USP34: variants seen among roughly 807,000 people sequenced by gnomAD.
The protein encoded by USP34 is ubiquitin specific peptidase 34, also known as ubiquitin carboxyl-terminal hydrolase 34.
Under a neutral mutation model 460.3 loss-of-function variants are expected in USP34, and 70 were observed. The observed-to-expected ratio is 0.15, with a 90% CI of 0.13 to 0.19. USP34 has a LOEUF of 0.19. Among genes scored for constraint, USP34 ranks in the 10% least tolerant of loss-of-function variants. USP34 has a pLI of 1.00. For synonymous variants in USP34, 1,647 were observed against 1,405.3 expected (o/e 1.17, Z -3.85); for missense variants, 3,985 against 4,236.2 (o/e 0.94, Z 1.65).
In USP34 at chr2:61,466,616, A is replaced by C. The variant is rs1221792042; in HGVS notation, c.43+4034T>G. ...ATTATTTATCAACTAAAAATTTTTT[A>C]AACAAAATTTTTAGGCCAGGCATGC... is the stretch of plus-strand genomic sequence containing the variant. On this transcript the variant is annotated intron_variant, in intron 1 of 79. Transcript: ENST00000398571. 2.6e-5 allele frequency among the ~76,000 whole-genome samples: 4 copies of C among 152,096 alleles called. No individual in the cohort carries two copies. In the East Asian group the frequency reaches 7.7e-4, roughly 29 times the overall value.
intron 16 of USP34, among the ~76,000 whole-genome samples, chr2:61,340,906 C>T (rs1484164377): frequency 7.2e-6 from 1 of 139,156 alleles, no homozygotes; most frequent in Non-Finnish European, 1.5e-5. Flanking sequence ...TGGTATTTCG[C>T]TTTCATAATT....
chr2:61,399,809 G>A (rs1693655374), intron 3 of USP34, among the ~76,000 whole-genome samples: 1 of 138,596 alleles, frequency 7.2e-6, no homozygotes, highest in Non-Finnish European at 1.5e-5. Context: ...AGAGGCAGAG[G>A]TTGCAGTGAG....
At chr2:61,331,394 T>TA in intron 19 of USP34, 23 bp from the exon 20 acceptor site, 1 of 1,596,870 alleles carries the variant, frequency 6.3e-7, no homozygotes, top group Non-Finnish European at 8.5e-7. Context: ...AAAGAAAAAA[T>TA]AATTTTAAAG....
At chr2:61,368,935 A>C (rs570026489) in intron 10 of USP34, among the ~76,000 whole-genome samples, 137 of 152,304 alleles carry the variant, frequency 9.0e-4, no homozygotes, top group Non-Finnish European at 1.5e-3. Flanking sequence ...TTGTAATCAC[A>C]AACAAAAGAT....
intron 43 of USP34, among the ~76,000 whole-genome samples, chr2:61,264,340 G>T (rs1445796074): frequency 6.6e-6 from 1 of 152,112 alleles, no homozygotes. Flanking sequence ...CAAGACAAAA[G>T]ATAACATGAT....
chr2:61,208,647 T>C, intron 70 of USP34: 1 of 235,878 alleles, frequency 4.2e-6, no homozygotes, highest in East Asian at 7.9e-5. Flanking sequence ...ATAAAACTAG[T>C]CTATTTCAAA....
intron 1 of USP34, among the ~76,000 whole-genome samples, chr2:61,428,197 C>T (rs987648168): frequency 2.4e-5 from 3 of 124,028 alleles, no homozygotes; most frequent in Non-Finnish European, 5.1e-5. Flanking sequence ...AAATCTTAAA[C>T]AAAGGCAAAA....
At chr2:61,267,491 G>A (rs1245622554) in intron 41 of USP34, among the ~76,000 whole-genome samples, 1 of 150,790 alleles carries the variant, frequency 6.6e-6, no homozygotes, top group African/African-American at 2.4e-5. Context: ...CACCTGGGAT[G>A]GAATGCAGTG....
Position 61,348,276 on chromosome 2 carries a change from C to A in USP34, c.1879G>T (p.Asp627Tyr). The change falls in exon 15 of 80, where the codon GAT (aspartate) becomes TAT (tyrosine). Residue 627 changes from aspartate to tyrosine, a missense_variant. Asp to Tyr is a radical substitution (Grantham distance 160). This residue lies in a region of USP34 where 716 missense variants were observed against 626.2 expected (regional missense o/e 1.14). Coordinates refer to ENST00000398571, the MANE Select transcript of USP34 (RefSeq NM_014709.4). Reference sequence around the variant, plus strand: ...TTGGGAGGATTATGACCATGATCATCGTCTTCATCTTCCTCTTTGAGGGCT... The same window carrying A: ...TTGGGAGGATTATGACCATGATCATAGTCTTCATCTTCCTCTTTGAGGGCT... Reference protein sequence around the residue: ...IEALKEEDEDDDHGHNPPKSS... With the variant: ...IEALKEEDEDYDHGHNPPKSS... 4 of 1,614,128 alleles carry A rather than the reference C, an allele frequency of 2.5e-6. No individual in the cohort carries two copies. Among genetic ancestry groups the A allele is most frequent in the Non-Finnish European group, 3.4e-6 (4 of 1,179,986 alleles).
At chr2:61,220,207 G>T in intron 67 of USP34, 103 bp downstream of exon 67, 5 of 458,398 alleles carry the variant, frequency 1.1e-5, no homozygotes, top group Non-Finnish European at 1.3e-5. Context: ...CAAGAATTTC[G>T]TAGTATACAA....
chr2:61,441,859 A>C (rs1694975982), intron 1 of USP34, among the ~76,000 whole-genome samples: 1 of 151,910 alleles, frequency 6.6e-6, no homozygotes, highest in Non-Finnish European at 1.5e-5. Context: ...AGAAAAAAGA[A>C]AAGACCTAAA....
chr2:61,257,405 G>C, intron 44 of USP34, 55 bp from the exon 45 acceptor site: 2 of 1,449,784 alleles, frequency 1.4e-6, no homozygotes, highest in Non-Finnish European at 9.2e-7. Context: ...GAAAATTATA[G>C]GTTCTTCAAT....
At chr2:61,376,575 C>T (rs146847973) in intron 8 of USP34, among the ~76,000 whole-genome samples, 3 of 152,144 alleles carry the variant, frequency 2.0e-5, no homozygotes, top group Non-Finnish European at 4.4e-5. Context: ...TCTCTTTAAG[C>T]GGTCTCGCGG....
intron 3 of USP34, 55 bp from the exon 4 acceptor site, chr2:61,395,288 A>G: frequency 9.4e-7 from 1 of 1,058,940 alleles, no homozygotes; most frequent in South Asian, 1.4e-5. Context: ...AACCTTTAAA[A>G]AATACAATTC....
At chr2:61,389,819 T>G (rs1224666985) in intron 5 of USP34, among the ~76,000 whole-genome samples, 3 of 151,780 alleles carry the variant, frequency 2.0e-5, no homozygotes, top group African/African-American at 7.3e-5. Flanking sequence ...GCAGCCCTCC[T>G]AACCTTTTAA....
chr2:61,368,539 T>C (rs1406450315), intron 10 of USP34, among the ~76,000 whole-genome samples: 1 of 151,934 alleles, frequency 6.6e-6, no homozygotes, highest in Non-Finnish European at 1.5e-5. Context: ...ATCATAATTA[T>C]ACACACAAAT....
chr2:61,380,988 T>C (rs185868731), intron 6 of USP34, among the ~76,000 whole-genome samples: 1 of 151,924 alleles, frequency 6.6e-6, no homozygotes, highest in Non-Finnish European at 1.5e-5. Flanking sequence ...TCAATACAGA[T>C]CAACAAAACT....
chr2:61,350,199 T>C, intron 12 of USP34, 61 bp downstream of exon 12: 6 of 1,507,840 alleles, frequency 4.0e-6, no homozygotes, highest in Non-Finnish European at 4.5e-6. Flanking sequence ...TAGCAGAAAA[T>C]ATTTCAAATC....
At position 61,214,069 on chromosome 2, in the gene USP34, T is replaced by C; in HGVS notation, c.8673A>G (p.Gln2891=). The change falls in exon 68 of 80, where the codon CAA becomes CAG. Residue 2891 remains glutamine, a synonymous_variant. Transcript: ENST00000398571. ...AFKNLTPHAS[Q]YPGAVEELFN... ...TATCAATTTTACTCACTCCAGGGTA[T>C]TGGCTGGCATGTGGTGTAAGATTCT... 2 of 1,614,186 alleles carry C rather than the reference T, an allele frequency of 1.2e-6. No homozygotes were observed. The highest frequency in any genetic ancestry group is 1.7e-6 in the Non-Finnish European group (2 of 1,180,028).
Sources: gnomAD v4.1 joint callset for allele counts (sites outside exome capture counted in the v4.1 genomes callset) on GRCh38, gnomAD v4.1.1 for gene constraint, gnomAD v4.1.1 regional missense constraint, MANE v1.5 for transcripts, NCBI Gene and HGNC (gene_info 2026-07-23, HGNC 2026-07-21) for gene names.